Variants in ACMSD observed in about 807,000 individuals in gnomAD.
ACMSD encodes the protein 2-amino-3-carboxymuconate-6-semialdehyde decarboxylase.
Under a neutral mutation model 45.9 loss-of-function variants are expected in ACMSD, and 37 were observed. The observed-to-expected ratio is 0.81, with a 90% CI of 0.62 to 1.06. The LOEUF is 1.06. ACMSD is among the 50% of genes least tolerant of loss of function. The probability of loss-of-function intolerance (pLI) is 0.00; values close to 1 mark genes in which losing one functional copy is unlikely to be tolerated. For missense variants in ACMSD, 434 were observed against 420.9 expected (o/e 1.03, Z -0.27); for synonymous variants, 138 against 148.8 (o/e 0.93, Z 0.53).
Position 134,863,520 on chromosome 2 carries a change from G to A in ACMSD, c.375G>A (p.Ala125=), listed in dbSNP as rs140020920. ...TGCCCATGCAGGCCCCTGAGCTGGCGGTCAAGGAGATGGAGCGCTGTGTGA... is the reference window on the plus strand; with the variant it reads ...TGCCCATGCAGGCCCCTGAGCTGGCAGTCAAGGAGATGGAGCGCTGTGTGA... ...GTLPMQAPEL[A]VKEMERCVKE... is the part of the protein sequence containing the mutation. The change falls in exon 5 of 10, where the codon GCG becomes GCA. Residue 125 remains alanine, a synonymous_variant. Transcript: ENST00000356140. 2.1e-4 allele frequency: 338 copies of A among 1,614,106 alleles called. No homozygotes were observed. Among genetic ancestry groups the A allele is most frequent in the Admixed American group, 7.5e-4 (45 of 60,012 alleles).
chr2:134,843,747 C>T (rs945920905), intron 1 of ACMSD, among the ~76,000 whole-genome samples: 18 of 152,238 alleles, frequency 1.2e-4, no homozygotes, highest in African/African-American at 4.3e-4. Context: ...TCTCCTGCCT[C>T]CATTCCTTCC....
At chr2:134,839,695 A>G (rs1021664811) in intron 1 of ACMSD, among the ~76,000 whole-genome samples, 7 of 152,328 alleles carry the variant, frequency 4.6e-5, no homozygotes, top group African/African-American at 1.7e-4. Flanking sequence ...GTCCATTGGT[A>G]TCTTAGGTAA....
At chr2:134,864,825 C>A (rs1688021608) in intron 5 of ACMSD, among the ~76,000 whole-genome samples, 1 of 152,198 alleles carries the variant, frequency 6.6e-6, no homozygotes, top group South Asian at 2.1e-4. Flanking sequence ...AAATATCCAA[C>A]TTCAAGTGTC....
chr2:134,876,110 G>T (rs1688719738), intron 8 of ACMSD, among the ~76,000 whole-genome samples: 1 of 152,170 alleles, frequency 6.6e-6, no homozygotes, highest in South Asian at 2.1e-4. Context: ...CACTTACCAT[G>T]AATGGAGCTT....
chr2:134,896,931 T>C (rs541600805), intron 8 of ACMSD, among the ~76,000 whole-genome samples: 2 of 152,232 alleles, frequency 1.3e-5, no homozygotes, highest in Admixed American at 1.3e-4. Context: ...AAACTAGTGT[T>C]TTCCAAGGGC....
chr2:134,871,039 A>C lies in ACMSD; in HGVS notation c.655A>C (p.Lys219Gln). ...GGVFEKFPKLKVCFAHGGGAF... is the reference protein window; with the variant it reads ...GGVFEKFPKLQVCFAHGGGAF... Reference sequence around the variant, plus strand: ...AGTATTTGAGAAGTTTCCCAAACTGAAAGTGTGTTTCGCACATGGTGGTAA... The same window carrying C: ...AGTATTTGAGAAGTTTCCCAAACTGCAAGTGTGTTTCGCACATGGTGGTAA... Residue 219 changes from lysine to glutamine, a missense_variant, in exon 7 of 10, where the codon AAA (lysine) becomes CAA (glutamine). Lys to Gln is a moderately conservative substitution (Grantham distance 53, BLOSUM62 1). Transcript: ENST00000356140. 1.2e-6 allele frequency: 2 copies of C among 1,614,174 alleles called. No individual in the cohort carries two copies. The highest frequency in any genetic ancestry group is 1.7e-6 in the Non-Finnish European group (2 of 1,180,008).
At chr2:134,885,332 A>AT (rs1553515608) in intron 8 of ACMSD, among the ~76,000 whole-genome samples, 9 of 98,506 alleles carry the variant, frequency 9.1e-5, no homozygotes, top group Non-Finnish European at 1.3e-4. Context: ...TATATATGTA[A>AT]ATATATATTT....
intron 2 of ACMSD, among the ~76,000 whole-genome samples, chr2:134,853,751 G>T (rs535930217): frequency 6.6e-6 from 1 of 152,046 alleles, no homozygotes; most frequent in South Asian, 2.1e-4. Flanking sequence ...GGGCACAGCT[G>T]CTCTGCAGTG....
intron 4 of ACMSD, among the ~76,000 whole-genome samples, 166 bp downstream of exon 4, chr2:134,862,184 GC>G (rs941830368): frequency 3.2e-4 from 49 of 152,088 alleles, no homozygotes; most frequent in African/African-American, 1.1e-3. Flanking sequence ...TGTCTTCTTA[GC>G]CATGTCTTTG....
chr2:134,886,050 T>C (rs922865668), intron 8 of ACMSD, among the ~76,000 whole-genome samples: 22 of 152,056 alleles, frequency 1.4e-4, no homozygotes, highest in African/African-American at 4.1e-4. Flanking sequence ...ATGATCAAAT[T>C]TGTATTTTTA....
rs781459593 is a variant in ACMSD, at chr2:134,898,365, T to A, written c.874T>A (p.Tyr292Asn). 3.1e-5 allele frequency: 49 copies of A among 1,597,214 alleles called. No individual in the cohort carries two copies. Among genetic ancestry groups the A allele is most frequent in the Non-Finnish European group, 3.8e-5 (45 of 1,173,384 alleles). ...GGATAAAGTCATTTTGGGAACCGAT[T>A]ACCCCTTTCCACTAGGTGAGCTGGA... ...GKDKVILGTD[Y>N]PFPLGELEPG... The change falls in exon 9 of 10, where the codon TAC (tyrosine) becomes AAC (asparagine). Residue 292 changes from tyrosine (Y) to asparagine (N), a missense_variant. By Grantham distance (143) the Tyr-to-Asn change is moderately radical. Transcript: ENST00000356140.
chr2:134,885,260 T>TATAAATATATATATTATATATA (rs1559064433), intron 8 of ACMSD, among the ~76,000 whole-genome samples: 3 of 97,956 alleles, frequency 3.1e-5, no homozygotes, highest in African/African-American at 1.3e-4. Flanking sequence ...ATATATAATA[T>TATAAATATATATATTATATATA]ATATATAAAT....
At chr2:134,895,341 A>T (rs1690060999) in intron 8 of ACMSD, among the ~76,000 whole-genome samples, 1 of 145,972 alleles carries the variant, frequency 6.9e-6, no homozygotes, top group Admixed American at 6.9e-5. Flanking sequence ...TATATATAAT[A>T]TATATATAAC....
At chr2:134,870,448 T>C (rs781623524) in intron 6 of ACMSD, among the ~76,000 whole-genome samples, 2 of 152,004 alleles carry the variant, frequency 1.3e-5, no homozygotes, top group African/African-American at 2.4e-5. Flanking sequence ...GATGAGGAAA[T>C]TGAGAGAGAG....
intron 8 of ACMSD, among the ~76,000 whole-genome samples, chr2:134,886,743 A>C (rs1430723045): frequency 6.6e-6 from 1 of 152,120 alleles, no homozygotes; most frequent in South Asian, 2.1e-4. Flanking sequence ...TGGCAATCCT[A>C]CCCAGTACAA....
At chr2:134,858,059 T>A (rs1687663869) in intron 2 of ACMSD, among the ~76,000 whole-genome samples, 1 of 152,084 alleles carries the variant, frequency 6.6e-6, no homozygotes, top group African/African-American at 2.4e-5. Flanking sequence ...GAAACCAGTA[T>A]GTTGAAGAAA....
chr2:134,870,476 T>C (rs1688374976), intron 6 of ACMSD, among the ~76,000 whole-genome samples: 1 of 152,190 alleles, frequency 6.6e-6, no homozygotes, highest in Non-Finnish European at 1.5e-5. Flanking sequence ...ATATTTTTGT[T>C]GAGCACCTCC....
At chr2:134,880,545 T>G (rs1210985285) in intron 8 of ACMSD, among the ~76,000 whole-genome samples, 1 of 152,182 alleles carries the variant, frequency 6.6e-6, no homozygotes, top group African/African-American at 2.4e-5. Context: ...AAGGCTTCTA[T>G]TTAGTTGGTC....
chr2:134,840,058 T>A (rs10496731), intron 1 of ACMSD, among the ~76,000 whole-genome samples: 3 of 150,874 alleles, frequency 2.0e-5, no homozygotes, highest in Non-Finnish European at 2.9e-5. Flanking sequence ...ATTGACTAAC[T>A]TGTGATACAG....
Sources: gnomAD v4.1 joint callset for allele counts (sites outside exome capture counted in the v4.1 genomes callset) on GRCh38, gnomAD v4.1.1 for gene constraint, MANE v1.5 for transcripts, NCBI Gene and HGNC (gene_info 2026-07-23, HGNC 2026-07-21) for gene names.